The following ZNF318 variants were observed in gnomAD, a reference collection of about 807,000 sequenced individuals.
The protein encoded by ZNF318 is zinc finger protein 318, also known as endocrine regulator.
A neutral mutation model predicts 124.2 loss-of-function variants in ZNF318; 51 were observed. The observed-to-expected ratio is 0.41, with a 90% CI of 0.33 to 0.52. ZNF318 has a LOEUF of 0.52. ZNF318 is among the 20% of genes least tolerant of loss of function. The probability of loss-of-function intolerance (pLI) is 0.23; values close to 1 mark genes in which losing one functional copy is unlikely to be tolerated. For synonymous variants in ZNF318, 1,090 were observed against 1,040.7 expected (o/e 1.05, Z -0.91); for missense variants, 2,815 against 2,811.2 (o/e 1.00, Z -0.03).
intron 5 of ZNF318, among the ~76,000 whole-genome samples, chr6:43,349,147 G>A (rs1779494061): frequency 6.6e-6 from 1 of 152,126 alleles, no homozygotes; most frequent in Admixed American, 6.5e-5. Context: ...TTTGTGTAAA[G>A]GTTATTAGCT....
intron 5 of ZNF318, among the ~76,000 whole-genome samples, chr6:43,349,070 C>G (rs540639753): frequency 7.2e-5 from 11 of 152,270 alleles, no homozygotes; most frequent in African/African-American, 2.6e-4. Flanking sequence ...AAGTGAGACT[C>G]TCCTTCCACA....
At chr6:43,347,722 T>C (rs981809690) in intron 6 of ZNF318, among the ~76,000 whole-genome samples, 13 of 152,172 alleles carry the variant, frequency 8.5e-5, no homozygotes, top group African/African-American at 2.7e-4. Context: ...AATTGTCACA[T>C]GGCATTTTAG....
In ZNF318 at chr6:43,355,868, C is replaced by G; in HGVS notation, c.1466G>C (p.Arg489Pro). Residue 489 changes from arginine to proline, a missense_variant, in exon 4 of 10, where the codon CGA (arginine) becomes CCA (proline). Physicochemically the swap from Arg to Pro is moderately radical, Grantham distance 103. Around this residue, in one of 4 missense-constraint regions of ZNF318, gnomAD observed 1,377 missense variants for 1,353.5 expected, o/e 1.02. Coordinates refer to ENST00000361428, the MANE Select transcript of ZNF318 (RefSeq NM_014345.3). ...ATGGGGCAGCAGGAAGTCTGTGTGT[C>G]GCTCAGGTCCCTCAGCCTTCAAATC... is the stretch of plus-strand genomic sequence containing the variant. Reference protein sequence around the residue: ...NLDLKAEGPERHTDFLLPHER... With the variant: ...NLDLKAEGPEPHTDFLLPHER... 1.2e-6 allele frequency: 2 copies of G among 1,614,212 alleles called. No individual in the cohort carries two copies. The highest frequency in any genetic ancestry group is 1.7e-6 in the Non-Finnish European group (2 of 1,180,044).
rs201477951 is a variant in ZNF318, at chr6:43,357,267, A to G, written c.1047T>C (p.Cys349=). The G allele has an allele frequency of 2.8e-4, 444 of 1,614,020 alleles. No homozygotes were observed. Among genetic ancestry groups the G allele is most frequent in the Non-Finnish European group, 3.6e-4 (424 of 1,180,030 alleles). ...GGACACCTGACAATCCAGGGATGGA[A>G]CAGCCAGTACCACCACCATCAACTC... ...LVGVDGGGTG[C]SIPGLSGVLT... Residue 349 remains cysteine (C), a synonymous_variant, in exon 3 of 10, where the codon TGT becomes TGC. Coordinates refer to ENST00000361428, the MANE Select transcript of ZNF318 (RefSeq NM_014345.3).
chr6:43,338,668 G>T lies in ZNF318; in HGVS notation c.5330C>A (p.Thr1777Lys). 6.2e-7 allele frequency: 1 copy of T among 1,614,110 alleles called. No individual in the cohort carries two copies. Among genetic ancestry groups the T allele is most frequent in the Non-Finnish European group, 8.5e-7 (1 of 1,180,018 alleles). Reference protein sequence around the residue: ...SEDCRESEIETNTELKERVKE... With the variant: ...SEDCRESEIEKNTELKERVKE... ...TACCCTTTCTTTTAGTTCAGTGTTT[G>T]TCTCTATCTCACTTTCTCTACAATC... The change falls in exon 10 of 10, where the codon ACA becomes AAA. Residue 1777 changes from threonine to lysine, a missense_variant. Transcript: ENST00000361428.
chr6:43,348,275 A>C, intron 6 of ZNF318, 49 bp downstream of exon 6: 7 of 1,521,694 alleles, frequency 4.6e-6, no homozygotes, highest in Non-Finnish European at 3.6e-6. Context: ...AAACCATAGG[A>C]GTCTAAGGGA....
intron 4 of ZNF318, among the ~76,000 whole-genome samples, chr6:43,353,093 G>A (rs936554283): frequency 2.6e-5 from 4 of 152,132 alleles, no homozygotes; most frequent in African/African-American, 9.7e-5. Context: ...GCCTGTATGT[G>A]TCTATAATAG....
chr6:43,356,114 C>A lies in ZNF318; in HGVS notation c.1220G>T (p.Ser407Ile), dbSNP rs34541323. 73,298 of 1,613,648 alleles carry A rather than the reference C, an allele frequency of 0.045. 1,808 individuals carry two copies. The highest frequency in any genetic ancestry group is 0.056 in the Middle Eastern group (338 of 6,052). The change falls in exon 4 of 10, where the codon AGC becomes ATC. Residue 407 changes from serine to isoleucine, a missense_variant. Around this residue, in one of 4 missense-constraint regions of ZNF318, gnomAD observed 1,377 missense variants for 1,353.5 expected, o/e 1.02. Coordinates refer to ENST00000361428, the MANE Select transcript of ZNF318 (RefSeq NM_014345.3). ...LESFSSSTSS[S>I]QDHPLYSGHP... ...CCCAGAGTAGAGAGGGTGATCCTGG[C>A]TGGAGCTGGTACTGCTGGAAAAACT...
At chr6:43,349,386 C>CTTTTTTT in intron 5 of ZNF318, among the ~76,000 whole-genome samples, 1 of 124,176 alleles carries the variant, frequency 8.1e-6, no homozygotes, top group Non-Finnish European at 1.7e-5. Flanking sequence ...TCTGGTTTAT[C>CTTTTTTT]TTTTTTTTTT....
rs896577706 is a variant in ZNF318, at chr6:43,338,146, T to C, written c.5852A>G (p.Lys1951Arg). ...KRERSKDFQVKKIYELAVWDE... is the reference protein window; with the variant it reads ...KRERSKDFQVRKIYELAVWDE... ...CCAAACAGCCAACTCATAGATCTTT[T>C]TAACTTGAAAGTCTTTTGATCTTTC... Residue 1951 changes from lysine (K) to arginine (R), a missense_variant, in exon 10 of 10, where the codon AAA (lysine) becomes AGA (arginine). By Grantham distance (26) the Lys-to-Arg change is conservative. Around this residue, in one of 4 missense-constraint regions of ZNF318, gnomAD observed 927 missense variants for 820.6 expected, o/e 1.13. Coordinates refer to ENST00000361428, the MANE Select transcript of ZNF318 (RefSeq NM_014345.3). 1 of 1,613,800 alleles carries C rather than the reference T, an allele frequency of 6.2e-7. No individual in the cohort carries two copies. Among genetic ancestry groups the C allele is most frequent in the Non-Finnish European group, 8.5e-7 (1 of 1,179,972 alleles).
chr6:43,357,044 G>GAAC (rs1293048381), intron 3 of ZNF318, 82 bp downstream of exon 3: 2 of 1,458,660 alleles, frequency 1.4e-6, no homozygotes, highest in East Asian at 4.5e-5. Context: ...ATACCATTAG[G>GAAC]AACATAGCCC....
intron 5 of ZNF318, among the ~76,000 whole-genome samples, chr6:43,351,838 G>A (rs1022713818): frequency 4.0e-5 from 6 of 151,890 alleles, no homozygotes; most frequent in Non-Finnish European, 2.9e-5. Flanking sequence ...TAGAGCAAGC[G>A]TATTAAAATG....
chr6:43,356,019 C>T lies in ZNF318; in HGVS notation c.1315G>A (p.Val439Ile). ...TGAGGTTCCTTCAAGGCAGTCTCTA[C>T]CATAGTCCCCTTGTTTTCAATCTCT... Reference protein sequence around the residue: ...ASEIENKGTMVETALKEPQGN... With the variant: ...ASEIENKGTMIETALKEPQGN... The change falls in exon 4 of 10, where the codon GTA becomes ATA. Residue 439 changes from valine (V) to isoleucine (I), a missense_variant. By Grantham distance (29) the Val-to-Ile change is conservative. This residue lies in a region of ZNF318 where 1,377 missense variants were observed against 1,353.5 expected (regional missense o/e 1.02). Transcript: ENST00000361428. 6.2e-7 allele frequency: 1 copy of T among 1,614,174 alleles called. No homozygotes were observed. Among genetic ancestry groups the T allele is most frequent in the South Asian group, 1.1e-5 (1 of 91,084 alleles).
chr6:43,347,523 C>T (rs768649126), intron 6 of ZNF318, among the ~76,000 whole-genome samples: 5 of 152,066 alleles, frequency 3.3e-5, no homozygotes, highest in Non-Finnish European at 5.9e-5. Flanking sequence ...TGAAAACTGT[C>T]GGACAGTATG....
chr6:43,339,099 C>T lies in ZNF318; in HGVS notation c.4899G>A (p.Leu1633=). Residue 1633 remains leucine, a synonymous_variant, in exon 10 of 10, where the codon TTG becomes TTA. Coordinates refer to ENST00000361428, the MANE Select transcript of ZNF318 (RefSeq NM_014345.3). This position sits in a 1 kb window ranked among gnomAD's most constrained non-coding sequence, Gnocchi z 4.2. ...AGTTGCTAACTATAGGAGCAGCGAC[C>T]AAACCCTCATCTTGATGCAACTCCT... ...SQEELHQDEG[L]VAAPIVSNSE... 1 of 1,614,182 alleles carries T rather than the reference C, an allele frequency of 6.2e-7. No individual in the cohort carries two copies. Among genetic ancestry groups the T allele is most frequent in the Non-Finnish European group, 8.5e-7 (1 of 1,180,034 alleles).
At chr6:43,361,780 T>C (rs1324368248) in intron 2 of ZNF318, among the ~76,000 whole-genome samples, 1 of 152,146 alleles carries the variant, frequency 6.6e-6, no homozygotes, top group Admixed American at 6.5e-5. Context: ...AAAACCCAAC[T>C]TGGCTATCAT....
intron 2 of ZNF318, chr6:43,364,222 T>C (rs905654729): frequency 1.0e-5 from 7 of 675,396 alleles, no homozygotes; most frequent in African/African-American, 9.0e-5. Flanking sequence ...AGGAATTCAC[T>C]GACCACCTCA....
chr6:43,344,056 G>C (rs1297906363), intron 6 of ZNF318, among the ~76,000 whole-genome samples: 3 of 152,060 alleles, frequency 2.0e-5, no homozygotes, highest in Non-Finnish European at 2.9e-5. Flanking sequence ...ACTATGAATG[G>C]GGTTCTATAG....
At chr6:43,343,163 C>T (rs1358673830) in intron 6 of ZNF318, among the ~76,000 whole-genome samples, 1 of 152,168 alleles carries the variant, frequency 6.6e-6, no homozygotes, top group Non-Finnish European at 1.5e-5. Flanking sequence ...GTTGTGGAAA[C>T]ATTGGCTGCC....
Sources: allele counts gnomAD v4.1 joint callset (sites outside exome capture counted in the v4.1 genomes callset), GRCh38; gene constraint gnomAD v4.1.1; regional missense constraint gnomAD v4.1.1; non-coding constraint Gnocchi (gnomAD v3.1); transcripts MANE v1.5; gene names NCBI Gene and HGNC (gene_info 2026-07-23, HGNC 2026-07-21).